CRHR1: variants seen among roughly 807,000 people sequenced by gnomAD.
CRHR1 encodes corticotropin-releasing hormone receptor 1.
In CRHR1, 28 loss-of-function variants were observed where a neutral mutation model predicts 56.0. The observed-to-expected ratio is 0.50, with a 90% CI of 0.37 to 0.69. CRHR1 has a LOEUF of 0.69. Among genes scored for constraint, CRHR1 ranks in the 30% least tolerant of loss-of-function variants. The probability of loss-of-function intolerance (pLI) is 0.00; values close to 1 mark genes in which losing one functional copy is unlikely to be tolerated. For missense variants in CRHR1, 376 were observed against 548.0 expected (o/e 0.69, Z 3.13); for synonymous variants, 195 against 216.5 (o/e 0.90, Z 0.87).
chr17:45,830,877 C>T lies in CRHR1; in HGVS notation c.710-3C>T, dbSNP rs977712837. On this transcript the variant is annotated splice_polypyrimidine_tract_variant and splice_region_variant and intron_variant, in intron 7 of 12. Coordinates refer to ENST00000314537, the MANE Select transcript of CRHR1 (RefSeq NM_004382.5). ...GCTCTGTGACAGCCCATCTCTCCCC[C>T]AGGTGTGCCCTTCCCCATCATTGTG... 6.2e-7 allele frequency: 1 copy of T among 1,613,812 alleles called. No homozygotes were observed. Among genetic ancestry groups the T allele is most frequent in the South Asian group, 1.1e-5 (1 of 91,078 alleles).
At chr17:45,813,270 C>A (rs1158894236) in intron 2 of CRHR1, among the ~76,000 whole-genome samples, 2 of 152,328 alleles carry the variant, frequency 1.3e-5, no homozygotes, top group East Asian at 1.9e-4. Context: ...AACTCCACTC[C>A]GCGGCTGAGG....
chr17:45,803,829 A>G (rs1295341996), intron 1 of CRHR1, among the ~76,000 whole-genome samples: 3 of 151,896 alleles, frequency 2.0e-5, no homozygotes, highest in Admixed American at 6.6e-5. Flanking sequence ...GCGTGGGCAG[A>G]TGTGGGGTGG....
At chr17:45,819,533 G>A (rs2061998323) in intron 3 of CRHR1, among the ~76,000 whole-genome samples, 1 of 143,104 alleles carries the variant, frequency 7.0e-6, no homozygotes, top group South Asian at 2.4e-4. Flanking sequence ...CTCTGGTCCC[G>A]GGACTTCCCA....
At chr17:45,807,146 C>T (rs373210936) in intron 2 of CRHR1, 49 bp downstream of exon 2, 14 of 1,533,796 alleles carry the variant, frequency 9.1e-6, no homozygotes, top group Non-Finnish European at 1.3e-5. Flanking sequence ...ACCACAATGC[C>T]CCCTACCCCA....
intron 1 of CRHR1, among the ~76,000 whole-genome samples, chr17:45,787,410 G>A (rs1281010064): frequency 2.0e-5 from 3 of 152,208 alleles, no homozygotes; most frequent in Non-Finnish European, 4.4e-5. Context: ...AAGGCCTCTG[G>A]ATGGATTCTA....
chr17:45,826,548 C>G (rs1192498980), intron 4 of CRHR1: 1 of 152,282 alleles, frequency 6.6e-6, no homozygotes. Flanking sequence ...CTGATTCTCC[C>G]TCAGGCTCTT....
At chr17:45,788,614 A>G (rs1385723938) in intron 1 of CRHR1, among the ~76,000 whole-genome samples, 1 of 152,176 alleles carries the variant, frequency 6.6e-6, no homozygotes, top group Non-Finnish European at 1.5e-5. Flanking sequence ...AATACATGGA[A>G]AGTGCCTGGA....
At chr17:45,812,984 A>T (rs1359013556) in intron 2 of CRHR1, among the ~76,000 whole-genome samples, 1 of 152,036 alleles carries the variant, frequency 6.6e-6, no homozygotes, top group African/African-American at 2.4e-5. Flanking sequence ...CCTTGTCCCT[A>T]CAGGGTCCCA....
At chr17:45,834,440 C>T (rs1257661545) in intron 12 of CRHR1, among the ~76,000 whole-genome samples, 184 bp from the exon 13 acceptor site, 1 of 152,194 alleles carries the variant, frequency 6.6e-6, no homozygotes, top group Non-Finnish European at 1.5e-5. Context: ...ATTTGAGAAA[C>T]CTGTTCCGAC....
chr17:45,806,046 T>G (rs1407185987), intron 1 of CRHR1, among the ~76,000 whole-genome samples: 2 of 152,186 alleles, frequency 1.3e-5, no homozygotes, highest in African/African-American at 4.8e-5. Flanking sequence ...GTTAGACCCA[T>G]TTTTACAGGT....
At chr17:45,815,473 ATCT>A (rs746648609) in intron 2 of CRHR1, among the ~76,000 whole-genome samples, 2 of 152,142 alleles carry the variant, frequency 1.3e-5, no homozygotes, top group Non-Finnish European at 2.9e-5. Context: ...GGACTTTGAC[ATCT>A]TCTTTCTAGT....
rs1429429903 is a variant in CRHR1 at position 45,833,714 on chromosome 17, G to A, written c.930G>A (p.Arg310=). Residue 310 remains arginine (R), a splice_region_variant and synonymous_variant, in exon 11 of 13, where the codon AGG becomes AGA. Transcript: ENST00000314537. ...AGCCTCCCCACCCGCCCCACCCCAG[G>A]AAGGCTGTGAAAGCCACTCTGGTGC... The part of the protein sequence containing the change: ...ASTTSETIQY[R]KAVKATLVLL... 1 of 524,886 alleles carries A rather than the reference G, an allele frequency of 1.9e-6. No homozygotes were observed. Among genetic ancestry groups the A allele is most frequent in the East Asian group, 5.8e-5 (1 of 17,196 alleles). 32.5% of individuals were successfully genotyped at this position (524,886 alleles called of 1,614,324 possible).
At chr17:45,811,229 C>T (rs1400823853) in intron 2 of CRHR1, among the ~76,000 whole-genome samples, 1 of 152,234 alleles carries the variant, frequency 6.6e-6, no homozygotes, top group Non-Finnish European at 1.5e-5. Context: ...GAAGCCAGTG[C>T]CTGATTGTGC....
chr17:45,823,122 G>A lies in CRHR1; in HGVS notation c.327+1682G>A, dbSNP rs184417735. Among the ~76,000 whole-genome samples the A allele has an allele frequency of 4.7e-3, 696 of 146,754 alleles. 6 individuals are homozygous for A. Among genetic ancestry groups the A allele is most frequent in the African/African-American group, 0.016 (647 of 39,586 alleles). ...TCGCGCCACAGCACTCCAGCCTGGC[G>A]ACAGAGCAAGACTCTGTCTCAAAAA... On this transcript the variant is annotated intron_variant, in intron 4 of 12. Coordinates refer to ENST00000314537, the MANE Select transcript of CRHR1 (RefSeq NM_004382.5).
intron 4 of CRHR1, chr17:45,827,866 G>C (rs1282269716): frequency 6.6e-6 from 1 of 152,366 alleles, no homozygotes. Flanking sequence ...AATTCCAACA[G>C]GAAGGCCTAT....
intron 2 of CRHR1, 73 bp downstream of exon 2, chr17:45,807,170 C>A: frequency 7.3e-7 from 1 of 1,378,592 alleles, no homozygotes; most frequent in Non-Finnish European, 1.0e-6. Context: ...ATCCCAGAGC[C>A]TGCACACAGA....
At chr17:45,789,327 G>A (rs1383488466) in intron 1 of CRHR1, among the ~76,000 whole-genome samples, 2 of 151,834 alleles carry the variant, frequency 1.3e-5, no homozygotes, top group African/African-American at 4.8e-5. Context: ...AATCATTCTT[G>A]TCTACCTAAA....
intron 4 of CRHR1, among the ~76,000 whole-genome samples, chr17:45,822,801 A>T (rs1012563030): frequency 6.6e-6 from 1 of 151,480 alleles, no homozygotes; most frequent in Non-Finnish European, 1.5e-5. Flanking sequence ...CAGTGAGCCG[A>T]GATTGTGCCA....
At chr17:45,792,648 C>T (rs1361444509) in intron 1 of CRHR1, among the ~76,000 whole-genome samples, 1 of 152,248 alleles carries the variant, frequency 6.6e-6, no homozygotes, top group East Asian at 1.9e-4. Flanking sequence ...CCTCCTCCTC[C>T]AGGAAGCCCT....
Sources: gnomAD v4.1 joint callset for allele counts (sites outside exome capture counted in the v4.1 genomes callset) on GRCh38, gnomAD v4.1.1 for gene constraint, MANE v1.5 for transcripts, NCBI Gene and HGNC (gene_info 2026-07-23, HGNC 2026-07-21) for gene names.